The following NHERF2 variants were observed in gnomAD, a reference collection of about 807,000 sequenced individuals.
NHERF2 encodes the protein NHERF family PDZ scaffold protein 2, also known as Na(+)/H(+) exchange regulatory cofactor NHE-RF2.
the NHERF2 span, chr16:2,035,391 C>G: frequency 3.0e-6 from 3 of 984,314 alleles, no homozygotes; most frequent in South Asian, 4.7e-5. Flanking sequence ...GCCGCCCCAG[C>G]CCTGGCCTGG....
the NHERF2 span, chr16:2,035,497 C>T: frequency 1.6e-5 from 16 of 986,110 alleles, no homozygotes; most frequent in South Asian, 2.3e-4. Context: ...CCCCTGCGCA[C>T]GCCCTCAAGC....
chr16:2,035,659 C>A, the NHERF2 span: 85 of 985,640 alleles, frequency 8.6e-5, no homozygotes, highest in Non-Finnish European at 1.0e-4. Flanking sequence ...CCTGCATGGT[C>A]CCCTGGCCCA....
At chr16:2,036,769 G>A in the NHERF2 span, 9 of 1,613,444 alleles carry the variant, frequency 5.6e-6, no homozygotes, top group East Asian at 2.2e-5. Flanking sequence ...ATGCTGAGGT[G>A]GTGGCCAGCA....
At chr16:2,035,727 G>T in the NHERF2 span, 1 of 971,360 alleles carries the variant, frequency 1.0e-6, no homozygotes, top group Non-Finnish European at 1.2e-6. Flanking sequence ...TGGTAGCGGG[G>T]GGTCCTTCCG....
chr16:2,036,347 G>C, the NHERF2 span: 2 of 1,610,466 alleles, frequency 1.2e-6, no homozygotes, highest in Non-Finnish European at 1.7e-6. Context: ...CCCTGAGGGA[G>C]CTGCGCCCTC....
chr16:2,038,760 G>A, the NHERF2 span: 4 of 176,598 alleles, frequency 2.3e-5, no homozygotes, highest in African/African-American at 7.2e-5. Flanking sequence ...CCACGTCCCC[G>A]AGGAGGGCGG....
chr16:2,032,462 G>A, the NHERF2 span, among the ~76,000 whole-genome samples: 13 of 152,368 alleles, frequency 8.5e-5, no homozygotes, highest in African/African-American at 2.9e-4. The surrounding 1 kb of genome is among the most constrained non-coding windows in gnomAD (Gnocchi z 4.0). Context: ...AGCCCAGGAG[G>A]GCAAAGCTTA....
chr16:2,035,431 G>C, the NHERF2 span: 6 of 985,608 alleles, frequency 6.1e-6, no homozygotes, highest in Non-Finnish European at 7.2e-6. Context: ...GGGACACACA[G>C]GGAGGTAGGA....
the NHERF2 span, chr16:2,029,645 G>A: frequency 5.1e-6 from 8 of 1,575,432 alleles, no homozygotes; most frequent in Non-Finnish European, 6.9e-6. Flanking sequence ...CCAGGAGACA[G>A]ATGAGGAGCT....
At chr16:2,027,842 T>C in the NHERF2 span, among the ~76,000 whole-genome samples, 1 of 152,196 alleles carries the variant, frequency 6.6e-6, no homozygotes, top group Admixed American at 6.5e-5. Flanking sequence ...GGTGAGTCTT[T>C]GTGTCTGTAC....
chr16:2,034,266 G>A, the NHERF2 span, among the ~76,000 whole-genome samples: 1 of 152,134 alleles, frequency 6.6e-6, no homozygotes, highest in Non-Finnish European at 1.5e-5. Context: ...CCCATATCAC[G>A]CTCCCACCTC....
the NHERF2 span, chr16:2,027,296 G>C: frequency 1.2e-6 from 1 of 823,674 alleles, no homozygotes. Flanking sequence ...GGTCGCACGG[G>C]GGCCCGAGGG....
chr16:2,037,664 T>C, the NHERF2 span: 1 of 1,580,332 alleles, frequency 6.3e-7, no homozygotes, highest in East Asian at 2.3e-5. Context: ...GGTAGGCGTC[T>C]GTGGAGATGT....
chr16:2,032,143 C>G, the NHERF2 span, among the ~76,000 whole-genome samples: 1 of 151,656 alleles, frequency 6.6e-6, no homozygotes, highest in Non-Finnish European at 1.5e-5. This position sits in a 1 kb window ranked among gnomAD's most constrained non-coding sequence, Gnocchi z 4.0. Context: ...TCTCAGCCTG[C>G]TGAGTAGCTG....
the NHERF2 span, chr16:2,035,554 C>T: frequency 1.0e-6 from 1 of 987,090 alleles, no homozygotes; most frequent in South Asian, 4.7e-5. Context: ...GCTCCGGCCA[C>T]CGCCATGTTT....
chr16:2,036,723 G>A, the NHERF2 span: 3,628 of 1,611,008 alleles, frequency 2.3e-3, 10 homozygotes, highest in Non-Finnish European at 2.5e-3. Flanking sequence ...TGCTGGTGGC[G>A]GCAGGTGAAC....
At chr16:2,038,410 TTCCCCTCCCC>T in the NHERF2 span, 11 of 52,062 alleles carry the variant, frequency 2.1e-4, no homozygotes, top group East Asian at 0.017. Flanking sequence ...ACCCCCCCCC[TTCCCCTCCCC>T]CTTCCCCTCC....
At chr16:2,027,359 T>G in the NHERF2 span, 3 of 387,246 alleles carry the variant, frequency 7.7e-6, no homozygotes, top group Non-Finnish European at 4.2e-6. Context: ...CCCGGCGCCT[T>G]CGGAGTCCCG....
the NHERF2 span, chr16:2,035,654 A>C: frequency 2.0e-6 from 2 of 985,780 alleles, no homozygotes; most frequent in Non-Finnish European, 2.4e-6. Context: ...CCTTGCCTGC[A>C]TGGTCCCCTG....
Sources: gnomAD v4.1 joint callset for allele counts (sites outside exome capture counted in the v4.1 genomes callset) on GRCh38, gnomAD v4.1.1 for gene constraint, Gnocchi (gnomAD v3.1) non-coding constraint, MANE v1.5 for transcripts, NCBI Gene and HGNC (gene_info 2026-07-23, HGNC 2026-07-21) for gene names.